GRIA1: variants seen among roughly 807,000 people sequenced by gnomAD.
GRIA1 encodes glutamate ionotropic receptor AMPA type subunit 1.
A neutral mutation model predicts 99.2 loss-of-function variants in GRIA1; 31 were observed. The ratio of observed to expected loss-of-function variants is 0.31; its 90% CI spans 0.23 to 0.42. The LOEUF (loss-of-function observed/expected upper bound fraction) is 0.42, where lower values mean the gene tolerates loss of function less well. GRIA1 is among the 10% of genes least tolerant of loss of function. GRIA1 has a pLI of 1.00. For synonymous variants in GRIA1, 438 were observed against 432.4 expected (o/e 1.01, Z -0.16); for missense variants, 782 against 1,157.5 (o/e 0.68, Z 4.71).
At chr5:153,577,455 G>T (rs1762666534) in intron 2 of GRIA1, among the ~76,000 whole-genome samples, 2 of 152,122 alleles carry the variant, frequency 1.3e-5, no homozygotes, top group South Asian at 4.1e-4. Flanking sequence ...CACCCCTATG[G>T]CTGCTTGTAT....
upstream of GRIA1, among the ~76,000 whole-genome samples, chr5:153,490,063 G>A (rs1198766413): frequency 6.6e-6 from 1 of 151,838 alleles, no homozygotes; most frequent in African/African-American, 2.4e-5. Context: ...CTTCCATTAG[G>A]AGAGAGAAAG....
At chr5:153,531,708 A>G (rs1684210471) in intron 2 of GRIA1, among the ~76,000 whole-genome samples, 1 of 152,216 alleles carries the variant, frequency 6.6e-6, no homozygotes, top group Non-Finnish European at 1.5e-5. Context: ...GGTAGTAGTC[A>G]TGGTGTTTTG....
intron 11 of GRIA1, among the ~76,000 whole-genome samples, chr5:153,735,213 C>T (rs1207655876): frequency 6.6e-6 from 1 of 152,124 alleles, no homozygotes; most frequent in African/African-American, 2.4e-5. Context: ...GATATTGTAG[C>T]AGGAAGAGCC....
intron 10 of GRIA1, among the ~76,000 whole-genome samples, 186 bp downstream of exon 10, chr5:153,699,259 C>G (rs2149513446): frequency 6.6e-6 from 1 of 152,316 alleles, no homozygotes; most frequent in South Asian, 2.1e-4. Context: ...GGTTACTGGT[C>G]CCAGGTCCCT....
chr5:153,506,622 A>G (rs1308866773), intron 2 of GRIA1, among the ~76,000 whole-genome samples: 1 of 152,132 alleles, frequency 6.6e-6, no homozygotes, highest in Non-Finnish European at 1.5e-5. Flanking sequence ...GAGGTGTCAC[A>G]CCTACAAGGG....
At chr5:153,619,775 C>G (rs991597774) in intron 2 of GRIA1, among the ~76,000 whole-genome samples, 1 of 152,100 alleles carries the variant, frequency 6.6e-6, no homozygotes, top group Non-Finnish European at 1.5e-5. Context: ...CCTTTCTGGC[C>G]TCTTAAAATC....
chr5:153,499,613 CA>C (rs70976100), intron 2 of GRIA1, among the ~76,000 whole-genome samples: 5,923 of 41,640 alleles, frequency 0.14, 39 homozygotes, highest in African/African-American at 0.26. Context: ...GAATTTGTCT[CA>C]AAAAAAAAAA....
intron 2 of GRIA1, among the ~76,000 whole-genome samples, chr5:153,527,464 T>C (rs73800069): frequency 0.077 from 11,762 of 152,202 alleles, 1,237 homozygotes; most frequent in African/African-American, 0.24. Flanking sequence ...AGGTGTACAC[T>C]TGACTGGATT....
chr5:153,522,983 A>G (rs1028319032), intron 2 of GRIA1, among the ~76,000 whole-genome samples: 3 of 151,642 alleles, frequency 2.0e-5, no homozygotes, highest in African/African-American at 7.3e-5. Context: ...TCTCCTGTAT[A>G]AATATCTTCC....
At chr5:153,681,535 C>T (rs1220119887) in intron 7 of GRIA1, among the ~76,000 whole-genome samples, 3 of 152,126 alleles carry the variant, frequency 2.0e-5, no homozygotes, top group East Asian at 1.9e-4. Context: ...CAAGAAAGGA[C>T]TTGCACATGT....
chr5:153,497,113 G>A (rs1206352424), intron 2 of GRIA1, among the ~76,000 whole-genome samples: 3 of 152,166 alleles, frequency 2.0e-5, no homozygotes, highest in Admixed American at 1.3e-4. Context: ...CAAGGTGAGA[G>A]TTTGGTGCCT....
rs567184422 is a variant in GRIA1 at position 153,650,935 on chromosome 5, G to A, written c.645+421G>A. On this transcript the variant is annotated intron_variant, in intron 4 of 15. Transcript: ENST00000285900. The stretch of plus-strand genomic sequence containing the variant: ...AAAAAAAAAAAATTAGCTTGGTGTC[G>A]TGGCATGTACCCATAATCCCAGCTA... Among the ~76,000 whole-genome samples the A allele has an allele frequency of 6.4e-5, 9 of 141,254 alleles. No individual in the cohort carries two copies. The South Asian group carries it at 9.0e-4, about 14-fold the overall frequency. The allele number at this position is 141,254 out of a possible 152,430, so 92.7% of individuals were successfully genotyped here. A position where few individuals can be genotyped will look rare whatever the true frequency, so the allele number is the denominator to read the frequency against.
At chr5:153,783,387 T>C (rs1764763377) in intron 13 of GRIA1, among the ~76,000 whole-genome samples, 1 of 152,220 alleles carries the variant, frequency 6.6e-6, no homozygotes, top group African/African-American at 2.4e-5. Context: ...TGCTGACAAA[T>C]GCTTCTGCAT....
intron 10 of GRIA1, among the ~76,000 whole-genome samples, chr5:153,701,381 G>C (rs1477769863): frequency 6.6e-6 from 1 of 152,068 alleles, no homozygotes; most frequent in African/African-American, 2.4e-5. Context: ...TTGGGAGGCT[G>C]AGGCGGGTGG....
chr5:153,675,488 T>C (rs1458249644), intron 6 of GRIA1, among the ~76,000 whole-genome samples: 2 of 152,236 alleles, frequency 1.3e-5, no homozygotes, highest in East Asian at 3.8e-4. Flanking sequence ...TAGCGAATGA[T>C]TCTTTTTCTG....
chr5:153,689,110 C>A (rs1028372269), intron 8 of GRIA1, among the ~76,000 whole-genome samples: 3 of 151,682 alleles, frequency 2.0e-5, no homozygotes, highest in African/African-American at 7.3e-5. Flanking sequence ...CTCACTATAA[C>A]CTCAAACTCC....
At chr5:153,692,269 T>C (rs1194950934) in intron 8 of GRIA1, among the ~76,000 whole-genome samples, 1 of 152,202 alleles carries the variant, frequency 6.6e-6, no homozygotes, top group East Asian at 1.9e-4. Context: ...TTATTTGTAC[T>C]TTTCATGGTG....
At chr5:153,572,210 A>G (rs981859139) in intron 2 of GRIA1, among the ~76,000 whole-genome samples, 4 of 152,154 alleles carry the variant, frequency 2.6e-5, no homozygotes, top group Non-Finnish European at 5.9e-5. Flanking sequence ...ATTGTCAACT[A>G]AGCAGCATGT....
chr5:153,701,475 A>G (rs1379504482), intron 10 of GRIA1, among the ~76,000 whole-genome samples: 1 of 151,658 alleles, frequency 6.6e-6, no homozygotes, highest in East Asian at 2.0e-4. Flanking sequence ...TTAGCCGGGC[A>G]TGGTAGTGGG....
Sources: gnomAD v4.1 joint callset for allele counts (sites outside exome capture counted in the v4.1 genomes callset) on GRCh38, gnomAD v4.1.1 for gene constraint, MANE v1.5 for transcripts, NCBI Gene and HGNC (gene_info 2026-07-23, HGNC 2026-07-21) for gene names.